PPT1: variants seen among roughly 807,000 people sequenced by gnomAD.
PPT1 encodes the protein ceroid-palmitoyl-palmitoyl-protein thioesterase 1.
A neutral mutation model predicts 44.0 loss-of-function variants in PPT1; 24 were observed. The ratio of observed to expected loss-of-function variants is 0.54; its 90% CI spans 0.39 to 0.77. The LOEUF (loss-of-function observed/expected upper bound fraction) is 0.77, where lower values mean the gene tolerates loss of function less well. PPT1 is among the 30% of genes least tolerant of loss of function. PPT1 has a pLI of 0.00. For synonymous variants in PPT1, 148 were observed against 140.2 expected (o/e 1.06, Z -0.39); for missense variants, 341 against 378.8 (o/e 0.90, Z 0.83).
At chr1:40,094,905 C>T (rs934083165) in intron 1 of PPT1, among the ~76,000 whole-genome samples, 1 of 152,164 alleles carries the variant, frequency 6.6e-6, no homozygotes, top group African/African-American at 2.4e-5. Context: ...AAGCTCCTAC[C>T]CTGTGTCCTC....
Position 40,076,038 on chromosome 1 carries a change from C to T in PPT1, c.798+804G>A, listed in dbSNP as rs147208833. ...CAGAACTGGAGGTGGCAAATTACTG[C>T]AACTTCTGCTTAAGATACAGGACCT... On this transcript the variant is annotated intron_variant, in intron 8 of 8. Transcript: ENST00000642050. 2.0e-3 allele frequency among the ~76,000 whole-genome samples: 288 copies of T among 147,434 alleles called. 4 individuals are homozygous for T. Among genetic ancestry groups the T allele is most frequent in the African/African-American group, 7.0e-3 (279 of 39,686 alleles).
chr1:40,092,229 C>G lies in PPT1; in HGVS notation c.235-57G>C, dbSNP rs1649604332. On this transcript the variant is annotated intron_variant, in intron 2 of 8. Coordinates refer to ENST00000642050, the MANE Select transcript of PPT1 (RefSeq NM_000310.4). The stretch of plus-strand genomic sequence containing the variant: ...TGGGACTGAAAACAACCACTGACAT[C>G]TTCTCTAAGAGGTAAACTCATTTAG... 5 of 1,609,244 alleles carry G rather than the reference C, an allele frequency of 3.1e-6. No individual in the cohort carries two copies. The Admixed American group carries it at 6.7e-5, about 21-fold the overall frequency.
intron 7 of PPT1, among the ~76,000 whole-genome samples, chr1:40,078,341 A>C (rs959099344): frequency 6.6e-6 from 1 of 152,140 alleles, no homozygotes; most frequent in Non-Finnish European, 1.5e-5. Flanking sequence ...GGGATTACAG[A>C]TGGCTGTCAC....
At chr1:40,096,872 A>G (rs1470631089) in intron 1 of PPT1, 4 of 627,040 alleles carry the variant, frequency 6.4e-6, no homozygotes, top group Non-Finnish European at 1.1e-5. Context: ...AATCAAGGAC[A>G]GCATGTAAAA....
intron 4 of PPT1, among the ~76,000 whole-genome samples, chr1:40,090,490 GTA>G (rs546285500): frequency 2.6e-4 from 40 of 151,686 alleles, no homozygotes; most frequent in African/African-American, 9.2e-4. Context: ...ATGTGTGTGT[GTA>G]TATATATATA....
At chr1:40,088,204 C>T (rs1246321575) in intron 5 of PPT1, among the ~76,000 whole-genome samples, 4 of 149,376 alleles carry the variant, frequency 2.7e-5, no homozygotes, top group African/African-American at 7.4e-5. Flanking sequence ...AGTGCAGTGG[C>T]GCAATCTCGG....
At chr1:40,080,372 A>C (rs770494229) in intron 6 of PPT1, 25 bp downstream of exon 6, 1 of 1,603,646 alleles carries the variant, frequency 6.2e-7, no homozygotes, top group South Asian at 1.1e-5. Context: ...ACGCACATCT[A>C]TGGGAGCCCG....
chr1:40,096,794 C>T (rs750220108), intron 1 of PPT1: 37 of 387,834 alleles, frequency 9.5e-5, no homozygotes, highest in Non-Finnish European at 1.5e-4. Context: ...AGTCATATAG[C>T]CAGCCGCAGC....
chr1:40,078,015 T>G (rs1392396414), intron 7 of PPT1, among the ~76,000 whole-genome samples: 1 of 152,144 alleles, frequency 6.6e-6, no homozygotes, highest in African/African-American at 2.4e-5. Flanking sequence ...AAATTATAGA[T>G]CCTTCCCCAG....
intron 6 of PPT1, among the ~76,000 whole-genome samples, chr1:40,079,392 CTT>C (rs11464192): frequency 1.2e-4 from 11 of 90,102 alleles, no homozygotes; most frequent in Non-Finnish European, 1.4e-4. Flanking sequence ...TTTTCTTTTC[CTT>C]TTTTTTTTTT....
chr1:40,080,369 T>A, intron 6 of PPT1, 28 bp downstream of exon 6: 1 of 1,600,196 alleles, frequency 6.2e-7, no homozygotes, highest in Non-Finnish European at 8.6e-7. Flanking sequence ...AGAACGCACA[T>A]CTATGGGAGC....
rs1557704037 is a variant in PPT1, at chr1:40,073,144, C to G, written c.*917G>C. The G allele has an allele frequency of 6.6e-6, 1 of 152,166 alleles. No homozygotes were observed. Among genetic ancestry groups the G allele is most frequent in the African/African-American group, 2.4e-5 (1 of 41,414 alleles). 9.4% of individuals were successfully genotyped at this position (152,166 alleles called of 1,614,324 possible). The stretch of plus-strand genomic sequence containing the variant: ...CTTTTCTCATGGAACACATCAGAAA[C>G]AGTTTGGAGTATGCTGGTAAATGTG... On this transcript the variant is annotated 3_prime_UTR_variant, in exon 9 of 9. Transcript: ENST00000642050.
chr1:40,091,428 G>A (rs977019144), intron 3 of PPT1, 29 bp from the exon 4 acceptor site: 11 of 1,565,380 alleles, frequency 7.0e-6, no homozygotes, highest in Admixed American at 3.4e-5. Flanking sequence ...TTTTAGCTCC[G>A]ACTGTCAGAT....
chr1:40,072,047 C>T, downstream of PPT1: 1 of 403,590 alleles, frequency 2.5e-6, no homozygotes, highest in Non-Finnish European at 4.4e-6. Flanking sequence ...GCTTGGCCAT[C>T]TAGCATTCCA....
At chr1:40,080,881 A>G (rs976236791) in intron 5 of PPT1, among the ~76,000 whole-genome samples, 2 of 152,142 alleles carry the variant, frequency 1.3e-5, no homozygotes, top group Non-Finnish European at 2.9e-5. Context: ...CTCAAAAAAC[A>G]AGGACAAAAG....
At chr1:40,084,942 GTC>G (rs1649177072) in intron 5 of PPT1, among the ~76,000 whole-genome samples, 1 of 152,180 alleles carries the variant, frequency 6.6e-6, no homozygotes, top group Non-Finnish European at 1.5e-5. Context: ...GCGGACCGTG[GTC>G]TAGTGGTAGC....
At chr1:40,075,432 T>G (rs2124468163) in intron 8 of PPT1, among the ~76,000 whole-genome samples, 1 of 152,106 alleles carries the variant, frequency 6.6e-6, no homozygotes, top group African/African-American at 2.4e-5. Flanking sequence ...CAACATCATT[T>G]TGAGTTTTCA....
chr1:40,093,883 C>CAAAAAAAAAAAA (rs11345893), intron 1 of PPT1: 1 of 411,716 alleles, frequency 2.4e-6, no homozygotes, highest in African/African-American at 3.1e-5. Flanking sequence ...GGCTCCATCT[C>CAAAAAAAAAAAA]AAAAAAAAAA....
chr1:40,089,579 G>A, intron 4 of PPT1, 67 bp from the exon 5 acceptor site: 1 of 1,156,756 alleles, frequency 8.6e-7, no homozygotes. Flanking sequence ...CTATGCACAA[G>A]GCACTGTGAG....
Sources: allele counts gnomAD v4.1 joint callset (sites outside exome capture counted in the v4.1 genomes callset), GRCh38; gene constraint gnomAD v4.1.1; transcripts MANE v1.5; gene names NCBI Gene and HGNC (gene_info 2026-07-23, HGNC 2026-07-21).